The following TM4SF18 variants were observed in gnomAD, a reference collection of about 807,000 sequenced individuals.
TM4SF18 encodes the protein transmembrane 4 L six family member 18, also known as transmembrane 4 L6 family member 18.
Under a neutral mutation model 23.8 loss-of-function variants are expected in TM4SF18, and 22 were observed. That is an observed-to-expected ratio of 0.92 (90% confidence interval 0.66 to 1.32). The LOEUF (loss-of-function observed/expected upper bound fraction) is 1.32, where lower values mean the gene tolerates loss of function less well. Among genes scored for constraint, TM4SF18 ranks in the 40% most tolerant of loss-of-function variants. The pLI, the probability that TM4SF18 is intolerant of heterozygous loss-of-function variation, is 0.00. For missense variants in TM4SF18, 255 were observed against 240.3 expected (o/e 1.06, Z -0.41); for synonymous variants, 87 against 87.9 (o/e 0.99, Z 0.06).
rs1381635633 is a variant in TM4SF18 at position 149,319,871 on chromosome 3, C to T, written c.*1607G>A. ...TGAATAACCACCAGTCTTGTTTGGA[C>T]AGTGTTTTACTCCAGGCTAAGTCAG... On this transcript the variant is annotated 3_prime_UTR_variant, in exon 6 of 6. Coordinates refer to ENST00000296059, the MANE Select transcript of TM4SF18 (RefSeq NM_138786.4). 1 of 152,180 alleles carries T rather than the reference C, an allele frequency of 6.6e-6. No homozygotes were observed. The allele number at this position is 152,180 out of a possible 1,614,324, so 9.4% of individuals were successfully genotyped here. A position where few individuals can be genotyped will look rare whatever the true frequency, so the allele number is the denominator to read the frequency against.
At position 149,321,610 on chromosome 3, in the gene TM4SF18, A is replaced by C. The variant is rs931867471; in HGVS notation, c.592-118T>G. On this transcript the variant is annotated intron_variant, in intron 5 of 5. Transcript: ENST00000296059. ...CATATTCAAAATATGATAGAACAGAAAAAACATCTCTTAGAAATTGCTAGG... is the reference window on the plus strand; with the variant it reads ...CATATTCAAAATATGATAGAACAGACAAAACATCTCTTAGAAATTGCTAGG... 6.6e-6 allele frequency: 4 copies of C among 604,522 alleles called. No homozygotes were observed. In the African/African-American group the frequency reaches 7.6e-5, roughly 12 times the overall value. 37.4% of individuals were successfully genotyped at this position (604,522 alleles called of 1,614,324 possible).
At chr3:149,329,507 C>T (rs565513355) in intron 3 of TM4SF18, among the ~76,000 whole-genome samples, 111 of 152,276 alleles carry the variant, frequency 7.3e-4, no homozygotes, top group African/African-American at 2.6e-3. Context: ...TAAAACTCCT[C>T]CTAGCTAATA....
At position 149,319,848 on chromosome 3, in the gene TM4SF18, A is replaced by G. The variant is rs996303534; in HGVS notation, c.*1630T>C. The G allele has an allele frequency of 1.3e-5, 2 of 152,234 alleles. No homozygotes were observed. Among genetic ancestry groups the G allele is most frequent in the Non-Finnish European group, 2.9e-5 (2 of 68,038 alleles). 9.4% of individuals were successfully genotyped at this position (152,234 alleles called of 1,614,324 possible). A position where few individuals can be genotyped will look rare whatever the true frequency, so the allele number is the denominator to read the frequency against. On this transcript the variant is annotated 3_prime_UTR_variant, in exon 6 of 6. Coordinates refer to ENST00000296059, the MANE Select transcript of TM4SF18 (RefSeq NM_138786.4). Reference sequence around the variant, plus strand: ...TTCCTAGTTCAAATTCTTATGCTTGAATAACCACCAGTCTTGTTTGGACAG... The same window carrying G: ...TTCCTAGTTCAAATTCTTATGCTTGGATAACCACCAGTCTTGTTTGGACAG...
chr3:149,318,952 T>A lies in TM4SF18; in HGVS notation c.*2526A>T, dbSNP rs1730738221. ...GAGGATATAAAACACATATTCAGCT[T>A]TTTTTGTATTCAGCTTTTTTTTACT... is the stretch of plus-strand genomic sequence containing the variant. On this transcript the variant is annotated 3_prime_UTR_variant, in exon 6 of 6. Coordinates refer to ENST00000296059, the MANE Select transcript of TM4SF18 (RefSeq NM_138786.4). The A allele has an allele frequency of 6.6e-6, 1 of 152,214 alleles. No homozygotes were observed. Among genetic ancestry groups the A allele is most frequent in the Non-Finnish European group, 1.5e-5 (1 of 68,038 alleles). 9.4% of individuals were successfully genotyped at this position (152,214 alleles called of 1,614,324 possible).
chr3:149,325,330 A>T (rs1294138752), intron 3 of TM4SF18, among the ~76,000 whole-genome samples: 1 of 152,226 alleles, frequency 6.6e-6, no homozygotes, highest in Non-Finnish European at 1.5e-5. Context: ...GAAGGATGTG[A>T]TCAATCAACC....
intron 5 of TM4SF18, 152 bp downstream of exon 5, chr3:149,322,104 A>C: frequency 1.5e-6 from 1 of 653,210 alleles, no homozygotes; most frequent in South Asian, 2.5e-5. Flanking sequence ...GGATATCAGA[A>C]AAAATTGAGA....
Position 149,325,140 on chromosome 3 carries a change from C to T in TM4SF18, c.268-118G>A, listed in dbSNP as rs16861780. On this transcript the variant is annotated intron_variant, in intron 3 of 5. Transcript: ENST00000296059. ...CCAAGCTCATGCAGTCTATACAATA[C>T]TAAATGCCCACATAGAAATAAAAAA... is the stretch of plus-strand genomic sequence containing the variant. The T allele has an allele frequency of 0.015, 12,130 of 834,972 alleles. 972 individuals carry two copies. In the African/African-American group the frequency reaches 0.18, roughly 12 times the overall value. 51.7% of individuals were successfully genotyped at this position (834,972 alleles called of 1,614,324 possible).
At chr3:149,331,311 T>A (rs1025528704) in intron 2 of TM4SF18, among the ~76,000 whole-genome samples, 1 of 152,190 alleles carries the variant, frequency 6.6e-6, no homozygotes, top group Admixed American at 6.5e-5. Flanking sequence ...TAAAAGGATT[T>A]GATGCAGTTA....
rs1325525648 is a variant in TM4SF18 at position 149,320,676 on chromosome 3, C to A, written c.*802G>T. The A allele has an allele frequency of 6.6e-6, 1 of 151,944 alleles. No individual in the cohort carries two copies. Among genetic ancestry groups the A allele is most frequent in the Non-Finnish European group, 1.5e-5 (1 of 68,006 alleles). 9.4% of individuals were successfully genotyped at this position (151,944 alleles called of 1,614,324 possible). A position where few individuals can be genotyped will look rare whatever the true frequency, so the allele number is the denominator to read the frequency against. On this transcript the variant is annotated 3_prime_UTR_variant, in exon 6 of 6. Transcript: ENST00000296059. ...TGGAAGTGTCATTTCATGATGTTTG[C>A]AAATAATGTTGAGGAATGTGGAAAG...
chr3:149,328,668 A>G (rs1474904721), intron 3 of TM4SF18, among the ~76,000 whole-genome samples: 4 of 152,186 alleles, frequency 2.6e-5, no homozygotes, highest in Admixed American at 2.6e-4. Context: ...CTACTTGATC[A>G]TGGCAACAAC....
In TM4SF18 at chr3:149,322,439, G is replaced by C; in HGVS notation, c.411-3C>G. The C allele has an allele frequency of 1.9e-6, 3 of 1,611,304 alleles. No homozygotes were observed. Among genetic ancestry groups the C allele is most frequent in the Non-Finnish European group, 2.5e-6 (3 of 1,178,706 alleles). Reference sequence around the variant, plus strand: ...ATATGCTAGAATCTGTAAGGAAACTGAGAGAGACCCATGGCCAAATCTACA... The same window carrying C: ...ATATGCTAGAATCTGTAAGGAAACTCAGAGAGACCCATGGCCAAATCTACA... On this transcript the variant is annotated splice_region_variant and splice_polypyrimidine_tract_variant and intron_variant, in intron 4 of 5. Transcript: ENST00000296059.
chr3:149,322,009 T>C (rs16861766), intron 5 of TM4SF18, among the ~76,000 whole-genome samples: 14,010 of 152,272 alleles, frequency 0.092, 725 homozygotes, highest in Middle Eastern at 0.15. Flanking sequence ...TCAAAACACT[T>C]ATGAAGCCTT....
intron 3 of TM4SF18, among the ~76,000 whole-genome samples, chr3:149,328,838 G>T (rs1731014058): frequency 6.6e-6 from 1 of 152,224 alleles, no homozygotes; most frequent in East Asian, 1.9e-4. Flanking sequence ...GCCAAAAAGG[G>T]AACCCGGAGA....
chr3:149,333,437 C>T, intron 1 of TM4SF18, 38 bp from the exon 2 acceptor site: 3 of 1,020,536 alleles, frequency 2.9e-6, no homozygotes, highest in East Asian at 3.5e-5. Context: ...CACAGAAAGT[C>T]TATTTTTCTT....
intron 3 of TM4SF18, among the ~76,000 whole-genome samples, chr3:149,325,922 A>G (rs997951811): frequency 6.6e-6 from 1 of 152,248 alleles, no homozygotes. Context: ...TGAATATTTT[A>G]CCATATTTGT....
Position 149,320,730 on chromosome 3 carries a change from A to G in TM4SF18, c.*748T>C, listed in dbSNP as rs1730785621. The G allele has an allele frequency of 6.6e-6, 1 of 152,226 alleles. No individual in the cohort carries two copies. Among genetic ancestry groups the G allele is most frequent in the Non-Finnish European group, 1.5e-5 (1 of 68,034 alleles). The allele number at this position is 152,226 out of a possible 1,614,324, so 9.4% of individuals were successfully genotyped here. A position where few individuals can be genotyped will look rare whatever the true frequency, so the allele number is the denominator to read the frequency against. On this transcript the variant is annotated 3_prime_UTR_variant, in exon 6 of 6. Coordinates refer to ENST00000296059, the MANE Select transcript of TM4SF18 (RefSeq NM_138786.4). ...ATATGCCTTAAAGTTTGGAAAAATA[A>G]AAAAATTTTAATAGTGAAAATATGA...
At chr3:149,330,295 C>T in intron 3 of TM4SF18, 35 bp downstream of exon 3, 5 of 1,443,520 alleles carry the variant, frequency 3.5e-6, no homozygotes, top group East Asian at 2.3e-5. Context: ...AGCTGGAGCC[C>T]ACTCAACCAT....
rs139131862 is a variant in TM4SF18 at position 149,331,370 on chromosome 3, G to T, written c.178-951C>A. ...TGGAAGATGAAAAAAATAGAGAACA[G>T]GTTTCTTTTCCTAGTTTTAATTTTT... On this transcript the variant is annotated intron_variant, in intron 2 of 5. Transcript: ENST00000296059. 5.6e-4 allele frequency among the ~76,000 whole-genome samples: 85 copies of T among 152,170 alleles called. No individual in the cohort carries two copies. The East Asian group carries it at 0.013, about 24-fold the overall frequency.
At chr3:149,327,915 G>C (rs2108361782) in intron 3 of TM4SF18, among the ~76,000 whole-genome samples, 1 of 152,082 alleles carries the variant, frequency 6.6e-6, no homozygotes, top group South Asian at 2.1e-4. Flanking sequence ...AAATAAAGTG[G>C]GAATAAGAAT....
Sources: gnomAD v4.1 joint callset for allele counts (sites outside exome capture counted in the v4.1 genomes callset) on GRCh38, gnomAD v4.1.1 for gene constraint, MANE v1.5 for transcripts, NCBI Gene and HGNC (gene_info 2026-07-23, HGNC 2026-07-21) for gene names.